Variants in DNMT1 observed in about 807,000 individuals in gnomAD.
DNMT1 encodes DNA methyltransferase 1.
DNMT1 carries 24 observed loss-of-function variants against 205.3 expected under a neutral mutation model. The ratio of observed to expected loss-of-function variants is 0.12; its 90% CI spans 0.08 to 0.16. DNMT1 has a LOEUF of 0.16. DNMT1 is among the 10% of genes least tolerant of loss of function. The pLI is 1.00. For missense variants in DNMT1, 1,293 were observed against 2,177.7 expected (o/e 0.59, Z 8.09); for synonymous variants, 817 against 839.8 (o/e 0.97, Z 0.47).
intron 5 of DNMT1, among the ~76,000 whole-genome samples, chr19:10,179,520 C>T (rs913034013): frequency 6.6e-6 from 1 of 152,060 alleles, no homozygotes; most frequent in Non-Finnish European, 1.5e-5. Flanking sequence ...AGGCATGAGC[C>T]ACCACACCCC....
chr19:10,145,259 G>A (rs1396793724), intron 28 of DNMT1, among the ~76,000 whole-genome samples: 1 of 152,212 alleles, frequency 6.6e-6, no homozygotes, highest in Non-Finnish European at 1.5e-5. Context: ...TCTCTGTGCT[G>A]ACTCTCCCAC....
At position 10,194,919 on chromosome 19, in the gene DNMT1, G is replaced by A. The variant is rs778120546; in HGVS notation, c.-20C>T. ...CGGCATCTCGGAGGCTTCAGCAGAC[G>A]CGGCGGCGGCAGCGCAGGCGCCCCG... On this transcript the variant is annotated 5_prime_UTR_variant, in exon 1 of 41. Transcript: ENST00000359526. The A allele has an allele frequency of 1.3e-5, 21 of 1,597,282 alleles. No individual in the cohort carries two copies. Among genetic ancestry groups the A allele is most frequent in the East Asian group, 4.5e-5 (2 of 44,342 alleles).
intron 11 of DNMT1, among the ~76,000 whole-genome samples, chr19:10,165,347 G>GGAA (rs2038667530): frequency 1.3e-5 from 2 of 152,124 alleles, no homozygotes; most frequent in African/African-American, 4.8e-5. Flanking sequence ...CCCCTGGGGT[G>GGAA]GAACAGCCAA....
At chr19:10,163,110 C>G in intron 12 of DNMT1, 5 of 608,096 alleles carry the variant, frequency 8.2e-6, no homozygotes, top group Non-Finnish European at 1.5e-5. Context: ...TATAGGCACC[C>G]GCCACCACAC....
intron 11 of DNMT1, among the ~76,000 whole-genome samples, chr19:10,164,641 A>G (rs2038644745): frequency 6.6e-6 from 1 of 151,752 alleles, no homozygotes; most frequent in South Asian, 2.1e-4. Context: ...ACAAACAAAC[A>G]AACACGCCGG....
chr19:10,136,534 C>A lies in DNMT1; in HGVS notation c.4490-247G>T, dbSNP rs1486477940. 2.0e-5 allele frequency among the ~76,000 whole-genome samples: 3 copies of A among 151,330 alleles called. No individual in the cohort carries two copies. The East Asian group carries it at 5.9e-4, about 30-fold the overall frequency. Reference sequence around the variant, plus strand: ...CACTGCAACCTCTGCCTATGGGGTTCAAGCGATTCTCCTGCCTCAGCCTCC... The same window carrying A: ...CACTGCAACCTCTGCCTATGGGGTTAAAGCGATTCTCCTGCCTCAGCCTCC... On this transcript the variant is annotated intron_variant, in intron 37 of 40. Transcript: ENST00000359526.
intron 28 of DNMT1, 135 bp from the exon 29 acceptor site, chr19:10,144,122 G>T: frequency 2.1e-6 from 2 of 930,674 alleles, no homozygotes; most frequent in Admixed American, 2.0e-5. Flanking sequence ...CCTAAGAAAT[G>T]ATTTAGGCTG....
At chr19:10,192,308 A>G (rs1050123339) in intron 1 of DNMT1, among the ~76,000 whole-genome samples, 3 of 152,052 alleles carry the variant, frequency 2.0e-5, no homozygotes, top group African/African-American at 7.2e-5. Flanking sequence ...TGAAAAAAAC[A>G]AGCTAAGTTA....
chr19:10,142,988 G>C (rs766104051), intron 29 of DNMT1: 1 of 153,552 alleles, frequency 6.5e-6, no homozygotes, highest in Non-Finnish European at 1.4e-5. Flanking sequence ...TGTTAGCTAA[G>C]AGGTGAGGCA....
chr19:10,168,368 A>C lies in DNMT1; in HGVS notation c.769-4T>G, dbSNP rs2038736631. 3.1e-6 allele frequency: 5 copies of C among 1,614,016 alleles called. No individual in the cohort carries two copies. The highest frequency in any genetic ancestry group is 1.3e-5 in the African/African-American group (1 of 75,030). On this transcript the variant is annotated splice_region_variant and splice_polypyrimidine_tract_variant and intron_variant, in intron 9 of 40. Coordinates refer to ENST00000359526, the MANE Select transcript of DNMT1 (RefSeq NM_001130823.3). ...GACTTCGGAGTCTCTTTTCTTCCTA[A>C]GTTGCAGGGAAAAAAGACAAGTTAA...
intron 13 of DNMT1, among the ~76,000 whole-genome samples, chr19:10,162,141 AT>A (rs34352285): frequency 0.14 from 19,274 of 135,026 alleles, 1,741 homozygotes; most frequent in East Asian, 0.44. Context: ...TGTGCCCAGC[AT>A]TTTTTTTTTT....
intron 1 of DNMT1, among the ~76,000 whole-genome samples, chr19:10,186,045 C>T (rs1237291554): frequency 6.6e-6 from 1 of 152,006 alleles, no homozygotes; most frequent in African/African-American, 2.4e-5. Flanking sequence ...TCAGTCACGC[C>T]GCTGAGAAAA....
chr19:10,173,788 G>A (rs370220154), intron 8 of DNMT1, 83 bp downstream of exon 8: 62 of 1,497,740 alleles, frequency 4.1e-5, no homozygotes, highest in African/African-American at 8.3e-5. Flanking sequence ...CACCGTGCCC[G>A]GCCTTAAACT....
At chr19:10,134,347 C>T (rs774848503) in intron 39 of DNMT1, 40 bp from the exon 40 acceptor site, 1 of 1,599,504 alleles carries the variant, frequency 6.3e-7, no homozygotes, top group African/African-American at 1.3e-5. Context: ...TGTGGACACC[C>T]AGGCCCAAGG....
Position 10,146,996 on chromosome 19 carries a change from T to C in DNMT1, c.2721-472A>G, listed in dbSNP as rs1054765899. On this transcript the variant is annotated intron_variant, in intron 27 of 40. Coordinates refer to ENST00000359526, the MANE Select transcript of DNMT1 (RefSeq NM_001130823.3). The surrounding 1 kb of genome is among the most constrained non-coding windows in gnomAD (Gnocchi z 4.4). ...GATCAAGGCCCAGCATGGTGGCTCA[T>C]GTCTGTAATCCCAGCCCTTTGGGAG... Among the ~76,000 whole-genome samples, 3 of 152,184 alleles carry C rather than the reference T, an allele frequency of 2.0e-5. No individual in the cohort carries two copies. The highest frequency in any genetic ancestry group is 4.4e-5 in the Non-Finnish European group (3 of 68,038).
intron 1 of DNMT1, among the ~76,000 whole-genome samples, chr19:10,182,565 A>G (rs1001485684): frequency 6.7e-6 from 1 of 149,946 alleles, no homozygotes; most frequent in African/African-American, 2.4e-5. Context: ...ATATATACAC[A>G]CACACACAGC....
At position 10,165,267 on chromosome 19, in the gene DNMT1, T is replaced by C. The variant is rs145738451; in HGVS notation, c.891+1331A>G. ...GCCTGGGTGACAAAGCAAGACCCTG[T>C]CTCTTGGGATGGGGGACAGTGGCTC... On this transcript the variant is annotated intron_variant, in intron 11 of 40. Transcript: ENST00000359526. Among the ~76,000 whole-genome samples the C allele has an allele frequency of 2.0e-5, 3 of 152,262 alleles. No individual in the cohort carries two copies. The East Asian group carries it at 5.8e-4, about 29-fold the overall frequency.
At chr19:10,145,065 A>C (rs771003034) in intron 28 of DNMT1, among the ~76,000 whole-genome samples, 9 of 152,218 alleles carry the variant, frequency 5.9e-5, no homozygotes, top group Non-Finnish European at 8.8e-5. Context: ...CGCTACCCTG[A>C]CTAAGGCTCT....
chr19:10,149,130 C>A, intron 26 of DNMT1, 113 bp from the exon 27 acceptor site: 2 of 1,429,406 alleles, frequency 1.4e-6, no homozygotes, highest in East Asian at 2.5e-5. Flanking sequence ...TCGAGACCAG[C>A]CTGGCCAACA....
Sources: allele counts gnomAD v4.1 joint callset (sites outside exome capture counted in the v4.1 genomes callset), GRCh38; gene constraint gnomAD v4.1.1; non-coding constraint Gnocchi (gnomAD v3.1); transcripts MANE v1.5; gene names NCBI Gene and HGNC (gene_info 2026-07-23, HGNC 2026-07-21).